The following ELMOD1 variants were observed in gnomAD, a reference collection of about 807,000 sequenced individuals.
ELMOD1 encodes the protein ELMO domain containing 1.
In ELMOD1, 21 loss-of-function variants were observed where a neutral mutation model predicts 46.7. The ratio of observed to expected loss-of-function variants is 0.45; its 90% CI spans 0.32 to 0.65. The LOEUF is 0.65. Among genes scored for constraint, ELMOD1 ranks in the 30% least tolerant of loss-of-function variants. The probability of loss-of-function intolerance (pLI) is 0.04; values close to 1 mark genes in which losing one functional copy is unlikely to be tolerated. For synonymous variants in ELMOD1, 122 were observed against 138.2 expected (o/e 0.88, Z 0.82); for missense variants, 348 against 407.8 (o/e 0.85, Z 1.26).
At chr11:107,626,424 A>G (rs1866042337) in intron 2 of ELMOD1, among the ~76,000 whole-genome samples, 1 of 151,576 alleles carries the variant, frequency 6.6e-6, no homozygotes, top group East Asian at 1.9e-4. Context: ...TAAAAGGAGG[A>G]AAGGGTACAA....
intron 1 of ELMOD1, among the ~76,000 whole-genome samples, chr11:107,611,911 C>T (rs1865787568): frequency 6.6e-6 from 1 of 152,118 alleles, no homozygotes; most frequent in Non-Finnish European, 1.5e-5. Context: ...ATGTTATACA[C>T]TGCTGGTGGG....
At chr11:107,639,765 T>C (rs1866288752) in intron 6 of ELMOD1, among the ~76,000 whole-genome samples, 2 of 152,204 alleles carry the variant, frequency 1.3e-5, no homozygotes, top group African/African-American at 4.8e-5. Flanking sequence ...TCACTTTTCC[T>C]AGCCCCTGGT....
intron 11 of ELMOD1, among the ~76,000 whole-genome samples, chr11:107,663,468 G>C (rs1043515363): frequency 2.7e-5 from 4 of 150,488 alleles, no homozygotes; most frequent in Non-Finnish European, 5.9e-5. Context: ...AACATTGCAA[G>C]ATCTTTCCTC....
At chr11:107,627,713 T>A (rs774910143) in intron 2 of ELMOD1, among the ~76,000 whole-genome samples, 10 of 152,190 alleles carry the variant, frequency 6.6e-5, no homozygotes, top group Non-Finnish European at 1.5e-4. Flanking sequence ...AGACTTTTTG[T>A]AGCTTAATTT....
At chr11:107,642,929 TA>T in intron 6 of ELMOD1, 1 of 337,368 alleles carries the variant, frequency 3.0e-6, no homozygotes, top group Non-Finnish European at 5.9e-6. Context: ...CTTCCTCTTC[TA>T]AAGTTGGTAC....
At chr11:107,599,223 A>G (rs1483405735) in intron 1 of ELMOD1, among the ~76,000 whole-genome samples, 2 of 152,172 alleles carry the variant, frequency 1.3e-5, no homozygotes, top group Non-Finnish European at 2.9e-5. Context: ...AAGAAAGGAT[A>G]CTTTTCAGGA....
chr11:107,612,967 GGACA>G (rs1865804695), intron 1 of ELMOD1, among the ~76,000 whole-genome samples: 1 of 152,040 alleles, frequency 6.6e-6, no homozygotes, highest in South Asian at 2.1e-4. Flanking sequence ...CCTGTTTGGG[GGACA>G]GACAATTAGA....
chr11:107,599,744 A>AAAAAAAAG lies in ELMOD1; in HGVS notation c.-86+8348_-86+8355dup, dbSNP rs1449283603. Among the ~76,000 whole-genome samples, 84 of 144,136 alleles carry AAAAAAAAG rather than the reference A, an allele frequency of 5.8e-4. 1 individual carries two copies. Among genetic ancestry groups the AAAAAAAAG allele is most frequent in the Non-Finnish European group, 3.9e-4 (26 of 66,786 alleles). 94.6% of individuals were successfully genotyped at this position (144,136 alleles called of 152,430 possible). On this transcript the variant is annotated intron_variant, in intron 1 of 11. Coordinates refer to ENST00000265840, the MANE Select transcript of ELMOD1 (RefSeq NM_018712.4). ...GCGACAGAGCGAGACCTGTCTCAAA[A>AAAAAAAAG]AAAAAAAGAAAAAAAGAAAAGAAAA...
At chr11:107,615,871 GA>G (rs1161832087) in intron 1 of ELMOD1, among the ~76,000 whole-genome samples, 2 of 151,844 alleles carry the variant, frequency 1.3e-5, no homozygotes, top group Non-Finnish European at 2.9e-5. Context: ...ATGTTTGGGG[GA>G]GTAAAGTGCC....
intron 6 of ELMOD1, among the ~76,000 whole-genome samples, chr11:107,636,568 T>G (rs1171599070): frequency 6.6e-6 from 1 of 152,154 alleles, no homozygotes; most frequent in Admixed American, 6.5e-5. Flanking sequence ...GTAACAAAAT[T>G]GTAAGAAAAC....
intron 2 of ELMOD1, among the ~76,000 whole-genome samples, chr11:107,620,732 C>T (rs557555792): frequency 1.3e-5 from 2 of 152,298 alleles, no homozygotes; most frequent in African/African-American, 4.8e-5. Flanking sequence ...GGTGTGGTGG[C>T]ACATGCCTGT....
chr11:107,616,028 C>G (rs1057282205), intron 1 of ELMOD1, among the ~76,000 whole-genome samples: 6 of 119,802 alleles, frequency 5.0e-5, no homozygotes, highest in Non-Finnish European at 1.0e-4. Flanking sequence ...CAGAGTCTCA[C>G]TTTGTTGCCC....
At chr11:107,627,994 T>C (rs1207294885) in intron 2 of ELMOD1, among the ~76,000 whole-genome samples, 1 of 152,082 alleles carries the variant, frequency 6.6e-6, no homozygotes, top group Non-Finnish European at 1.5e-5. Context: ...ATTAATAGTA[T>C]ATATTAATAT....
At chr11:107,638,282 G>A (rs948913182) in intron 6 of ELMOD1, among the ~76,000 whole-genome samples, 1 of 152,156 alleles carries the variant, frequency 6.6e-6, no homozygotes, top group Non-Finnish European at 1.5e-5. Flanking sequence ...CAAGTACGAT[G>A]ATAAAATCAG....
intron 2 of ELMOD1, among the ~76,000 whole-genome samples, chr11:107,619,124 G>A (rs931563126): frequency 3.9e-5 from 6 of 152,112 alleles, no homozygotes; most frequent in Non-Finnish European, 7.3e-5. Flanking sequence ...CCCCACCCCA[G>A]TGGTTTTGGT....
At chr11:107,641,242 A>C (rs1866316923) in intron 6 of ELMOD1, among the ~76,000 whole-genome samples, 1 of 152,106 alleles carries the variant, frequency 6.6e-6, no homozygotes, top group African/African-American at 2.4e-5. Context: ...CAGTGAACCG[A>C]GATCATGCCA....
intron 7 of ELMOD1, 57 bp downstream of exon 7, chr11:107,647,658 G>C: frequency 6.5e-7 from 1 of 1,543,742 alleles, no homozygotes; most frequent in Non-Finnish European, 8.7e-7. Context: ...TCCTCATACT[G>C]AAATGGCAAA....
In ELMOD1 at chr11:107,635,741, C is replaced by T. The variant is rs1866218689; in HGVS notation, c.396C>T (p.Pro132=). Residue 132 remains proline (P), a synonymous_variant, in exon 6 of 12, where the codon CCC becomes CCT. Transcript: ENST00000265840. ...GAGAGGCCTATGATTCTGATAATCC[C>T]CAACATGAAGAAATGCTTTTGAAGG... ...LRREAYDSDN[P]QHEEMLLKLW... 1.2e-6 allele frequency: 2 copies of T among 1,613,780 alleles called. No homozygotes were observed. The highest frequency in any genetic ancestry group is 1.7e-6 in the Non-Finnish European group (2 of 1,179,800).
rs1039225546 is a variant in ELMOD1 at position 107,602,757 on chromosome 11, G to A, written c.-86+11348G>A. On this transcript the variant is annotated intron_variant, in intron 1 of 11. Transcript: ENST00000265840. Reference sequence around the variant, plus strand: ...TTTTTTTCCTCCTTCTTTGCTTTGGGTCTCTGTAATTCATGTCAGAAACGT... The same window carrying A: ...TTTTTTTCCTCCTTCTTTGCTTTGGATCTCTGTAATTCATGTCAGAAACGT... 8.6e-4 allele frequency among the ~76,000 whole-genome samples: 128 copies of A among 148,578 alleles called. 2 individuals are homozygous for A. Among genetic ancestry groups the A allele is most frequent in the Middle Eastern group, 3.4e-3 (1 of 292 alleles).
Sources: allele counts gnomAD v4.1 joint callset (sites outside exome capture counted in the v4.1 genomes callset), GRCh38; gene constraint gnomAD v4.1.1; transcripts MANE v1.5; gene names NCBI Gene and HGNC (gene_info 2026-07-23, HGNC 2026-07-21).